ARHGAP24: variants seen among roughly 807,000 people sequenced by gnomAD.
The protein encoded by ARHGAP24 is Rho GTPase activating protein 24.
In ARHGAP24, 50 loss-of-function variants were observed where a neutral mutation model predicts 76.4. That is an observed-to-expected ratio of 0.65 (90% confidence interval 0.52 to 0.83). The LOEUF (loss-of-function observed/expected upper bound fraction) is 0.83, where lower values mean the gene tolerates loss of function less well. ARHGAP24 is among the 40% of genes least tolerant of loss of function. The pLI is 0.00. For synonymous variants in ARHGAP24, 345 were observed against 323.3 expected (o/e 1.07, Z -0.72); for missense variants, 930 against 914.2 (o/e 1.02, Z -0.22).
chr4:85,891,007 C>A (rs182264693), intron 3 of ARHGAP24, among the ~76,000 whole-genome samples: 1 of 151,998 alleles, frequency 6.6e-6, no homozygotes, highest in Middle Eastern at 3.4e-3. Context: ...ATATTAGAGA[C>A]GGGGTAACCA....
chr4:85,635,302 T>C (rs1035821976), intron 2 of ARHGAP24, among the ~76,000 whole-genome samples: 18 of 151,752 alleles, frequency 1.2e-4, no homozygotes, highest in Non-Finnish European at 2.7e-4. Context: ...AAAGACCTTA[T>C]TAACACATTC....
chr4:85,649,216 C>T (rs1450746650), intron 2 of ARHGAP24, among the ~76,000 whole-genome samples: 1 of 152,084 alleles, frequency 6.6e-6, no homozygotes, highest in African/African-American at 2.4e-5. Context: ...ATTCCCCAGC[C>T]ACAGAATGGC....
At chr4:85,736,855 G>A (rs932541012) in intron 3 of ARHGAP24, among the ~76,000 whole-genome samples, 2 of 152,182 alleles carry the variant, frequency 1.3e-5, no homozygotes, top group Non-Finnish European at 2.9e-5. Context: ...TCACCCAAAT[G>A]AGGATGGTGA....
chr4:85,771,612 A>G (rs937909700), intron 3 of ARHGAP24, among the ~76,000 whole-genome samples: 4 of 152,228 alleles, frequency 2.6e-5, no homozygotes, highest in Non-Finnish European at 4.4e-5. Flanking sequence ...TTACACATAT[A>G]ATTAACCATC....
rs565278118 is a variant in ARHGAP24 at position 85,735,407 on chromosome 4, AT to A, written c.268+13445del. Among the ~76,000 whole-genome samples, 404 of 149,870 alleles carry A rather than the reference AT, an allele frequency of 2.7e-3. 3 individuals carry two copies. The highest frequency in any genetic ancestry group is 9.0e-3 in the African/African-American group (367 of 40,902). On this transcript the variant is annotated intron_variant, in intron 3 of 9. Coordinates refer to ENST00000395184, the MANE Select transcript of ARHGAP24 (RefSeq NM_001025616.3). ...AACTTTTGTCCACTCATTCCACCAG[AT>A]TTTTTTTTTACTAATGACATTGATG...
At chr4:85,517,450 T>A (rs1278931340) in intron 1 of ARHGAP24, among the ~76,000 whole-genome samples, 1 of 152,174 alleles carries the variant, frequency 6.6e-6, no homozygotes, top group Non-Finnish European at 1.5e-5. Flanking sequence ...GTCACAAAAT[T>A]TAACAATTTA....
intron 3 of ARHGAP24, among the ~76,000 whole-genome samples, chr4:85,782,288 A>G (rs1240809114): frequency 1.3e-5 from 2 of 152,212 alleles, no homozygotes; most frequent in Non-Finnish European, 2.9e-5. Context: ...AGGAAATTCG[A>G]CATACTAAAG....
intron 1 of ARHGAP24, among the ~76,000 whole-genome samples, chr4:85,521,485 C>T (rs1357081915): frequency 2.2e-5 from 2 of 89,538 alleles, no homozygotes; most frequent in Non-Finnish European, 5.2e-5. Context: ...CACACTCATC[C>T]ACTTCCACTC....
At chr4:85,543,523 G>A (rs951372630) in intron 1 of ARHGAP24, among the ~76,000 whole-genome samples, 1 of 152,136 alleles carries the variant, frequency 6.6e-6, no homozygotes, top group African/African-American at 2.4e-5. Flanking sequence ...ATTGAATCCA[G>A]GTTATTTAGC....
At chr4:85,961,225 C>A (rs982736176) in intron 5 of ARHGAP24, among the ~76,000 whole-genome samples, 4 of 152,092 alleles carry the variant, frequency 2.6e-5, no homozygotes, top group African/African-American at 9.7e-5. Context: ...TTTATACATA[C>A]ATATTAATAA....
intron 3 of ARHGAP24, among the ~76,000 whole-genome samples, chr4:85,813,074 G>A (rs1729080163): frequency 6.6e-6 from 1 of 152,096 alleles, no homozygotes; most frequent in Non-Finnish European, 1.5e-5. Flanking sequence ...CTTTTTCAAG[G>A]AGGTATCTTA....
chr4:85,702,402 G>A (rs1483539727), intron 2 of ARHGAP24, among the ~76,000 whole-genome samples: 2 of 151,956 alleles, frequency 1.3e-5, no homozygotes, highest in Non-Finnish European at 1.5e-5. Context: ...GATTGTTTTA[G>A]GTTATTTATT....
intron 2 of ARHGAP24, among the ~76,000 whole-genome samples, chr4:85,658,670 T>A (rs1283436597): frequency 1.3e-5 from 2 of 152,220 alleles, no homozygotes; most frequent in African/African-American, 2.4e-5. Context: ...CATAGTAATA[T>A]TAGCGTGTTT....
At chr4:85,861,923 C>T (rs1335300905) in intron 3 of ARHGAP24, among the ~76,000 whole-genome samples, 1 of 152,088 alleles carries the variant, frequency 6.6e-6, no homozygotes, top group Non-Finnish European at 1.5e-5. Context: ...CTTGATAATT[C>T]CCCAAACTTA....
At chr4:85,579,391 A>C (rs1003786754) in intron 2 of ARHGAP24, among the ~76,000 whole-genome samples, 1 of 151,512 alleles carries the variant, frequency 6.6e-6, no homozygotes, top group African/African-American at 2.4e-5. Context: ...TAATTTGAAT[A>C]TTTACATTTT....
chr4:85,989,129 A>G (rs1289202465), intron 8 of ARHGAP24, among the ~76,000 whole-genome samples: 28 of 151,628 alleles, frequency 1.8e-4, no homozygotes, highest in Admixed American at 1.8e-3. Flanking sequence ...AAAAAGATCA[A>G]TAAAATTGAT....
intron 9 of ARHGAP24, 39 bp from the exon 10 acceptor site, chr4:86,000,440 T>TGGGGGGGGGGGGGGGG: frequency 2.3e-6 from 2 of 861,204 alleles, no homozygotes; most frequent in South Asian, 1.4e-5. Flanking sequence ...CTCTTACTCT[T>TGGGGGGGGGGGGGGGG]GCGTCCCCAC....
intron 1 of ARHGAP24, among the ~76,000 whole-genome samples, chr4:85,499,645 C>T (rs13434422): frequency 0.036 from 5,463 of 152,326 alleles, 325 homozygotes; most frequent in African/African-American, 0.12. Flanking sequence ...CTTTCATTAT[C>T]ACCTCTTAGA....
rs953305229 is a variant in ARHGAP24, at chr4:85,484,686, G to A, written c.-21+9127G>A. On this transcript the variant is annotated intron_variant, in intron 1 of 9. Coordinates refer to ENST00000395184, the MANE Select transcript of ARHGAP24 (RefSeq NM_001025616.3). ...GGCTGGAGTGCAGTGGTGCCATCTCGGCTCACGGCAAATTCCACCTCCTGG... is the reference window on the plus strand; with the variant it reads ...GGCTGGAGTGCAGTGGTGCCATCTCAGCTCACGGCAAATTCCACCTCCTGG... Among the ~76,000 whole-genome samples, 3 of 152,152 alleles carry A rather than the reference G, an allele frequency of 2.0e-5. No individual in the cohort carries two copies. The East Asian group carries it at 5.8e-4, about 29-fold the overall frequency.
Sources: allele counts gnomAD v4.1 joint callset (sites outside exome capture counted in the v4.1 genomes callset), GRCh38; gene constraint gnomAD v4.1.1; transcripts MANE v1.5; gene names NCBI Gene and HGNC (gene_info 2026-07-23, HGNC 2026-07-21).